THSD7B: variants seen among roughly 807,000 people sequenced by gnomAD.
THSD7B encodes the protein thrombospondin type-1 domain-containing protein 7B.
THSD7B carries 138 observed loss-of-function variants against 213.6 expected under a neutral mutation model. That is an observed-to-expected ratio of 0.65 (90% confidence interval 0.56 to 0.74). The LOEUF (loss-of-function observed/expected upper bound fraction) is 0.74. Among genes scored for constraint, THSD7B ranks in the 30% least tolerant of loss-of-function variants. The pLI, the probability that THSD7B is intolerant of heterozygous loss-of-function variation, is 0.00. For synonymous variants in THSD7B, 742 were observed against 687.0 expected, an observed-to-expected ratio of 1.08 and a Z score of -1.25; for missense variants, 1,931 against 1,991.5, an observed-to-expected ratio of 0.97 and a Z score of 0.58.
At chr2:137,449,098 C>T (rs1272814345) in intron 14 of THSD7B, among the ~76,000 whole-genome samples, 1 of 151,558 alleles carries the variant, frequency 6.6e-6, no homozygotes, top group African/African-American at 2.4e-5. Context: ...GATCTTTTTT[C>T]CCCCCCTCAA....
At chr2:137,638,571 C>T (rs781739921) in intron 20 of THSD7B, among the ~76,000 whole-genome samples, 1 of 152,066 alleles carries the variant, frequency 6.6e-6, no homozygotes, top group Non-Finnish European at 1.5e-5. Context: ...TGAAAAGATA[C>T]CTGAAAATGT....
intron 2 of THSD7B, among the ~76,000 whole-genome samples, chr2:137,038,432 C>T (rs369621943): frequency 1.9e-4 from 29 of 152,258 alleles, no homozygotes; most frequent in South Asian, 1.0e-3. Context: ...CTGATGAGCC[C>T]GGCATCCCTT....
At chr2:137,279,002 G>T (rs1029979501) in intron 12 of THSD7B, among the ~76,000 whole-genome samples, 2 of 152,160 alleles carry the variant, frequency 1.3e-5, no homozygotes, top group African/African-American at 4.8e-5. Flanking sequence ...TGAGAGTTTA[G>T]TGAAGGGACC....
intron 13 of THSD7B, among the ~76,000 whole-genome samples, chr2:137,408,556 C>T (rs974581976): frequency 3.9e-5 from 6 of 152,070 alleles, no homozygotes; most frequent in Non-Finnish European, 7.4e-5. Context: ...GTATTGGGAG[C>T]GGTATTCAAA....
intron 2 of THSD7B, among the ~76,000 whole-genome samples, chr2:136,927,443 C>T (rs1031702016): frequency 1.5e-4 from 23 of 152,120 alleles, no homozygotes; most frequent in Non-Finnish European, 8.8e-5. Context: ...TTTTCCTCTG[C>T]TGCCACTCCA....
At chr2:137,067,316 G>A (rs931093029) in intron 3 of THSD7B, among the ~76,000 whole-genome samples, 3 of 152,070 alleles carry the variant, frequency 2.0e-5, no homozygotes, top group African/African-American at 7.2e-5. Context: ...TTTAGTGTGA[G>A]GTTGTTATAT....
intron 2 of THSD7B, among the ~76,000 whole-genome samples, chr2:136,995,169 A>G (rs901348502): frequency 6.6e-6 from 1 of 152,172 alleles, no homozygotes; most frequent in South Asian, 2.1e-4. Context: ...TATGGCTAAG[A>G]ATGACTGTCT....
In THSD7B at chr2:137,094,829, C is replaced by CA. The variant is rs751511801; in HGVS notation, c.951-44_951-43insA. On this transcript the variant is annotated intron_variant, in intron 3 of 27. Coordinates refer to ENST00000409968, the MANE Select transcript of THSD7B (RefSeq NM_001316349.2). ...AGGCACTTTATAATGTTAGTTGCAT[C>CA]CATTAATATATGGCCTCCTATTTTC... 2.5e-6 allele frequency: 4 copies of CA among 1,581,752 alleles called. No homozygotes were observed. The South Asian group carries it at 4.6e-5, about 18-fold the overall frequency.
At chr2:136,977,784 C>CT (rs1269897808) in intron 2 of THSD7B, among the ~76,000 whole-genome samples, 1 of 121,078 alleles carries the variant, frequency 8.3e-6, no homozygotes, top group Non-Finnish European at 1.6e-5. Context: ...GAATGAGTTT[C>CT]TTTTTTTCTT....
chr2:137,238,534 C>CTTTTTTTTTTTTTTT (rs869146863), intron 9 of THSD7B, among the ~76,000 whole-genome samples: 2 of 51,846 alleles, frequency 3.9e-5, no homozygotes, highest in African/African-American at 7.1e-5. Flanking sequence ...ACTCATCTTT[C>CTTTTTTTTTTTTTTT]TTTTTTTTTT....
intron 1 of THSD7B, among the ~76,000 whole-genome samples, chr2:136,862,475 A>T (rs1446548176): frequency 6.6e-6 from 1 of 152,312 alleles, no homozygotes; most frequent in East Asian, 1.9e-4. Flanking sequence ...GCATTGATTA[A>T]GTGTGTTTCT....
chr2:137,180,599 A>G (rs191567222), intron 7 of THSD7B, among the ~76,000 whole-genome samples: 142 of 152,266 alleles, frequency 9.3e-4, no homozygotes, highest in African/African-American at 3.3e-3. Context: ...CAATAGGCCA[A>G]TTGGGAACTA....
intron 2 of THSD7B, among the ~76,000 whole-genome samples, chr2:137,002,945 G>A (rs1686029532): frequency 6.6e-6 from 1 of 152,106 alleles, no homozygotes; most frequent in African/African-American, 2.4e-5. Context: ...AATACCAGGA[G>A]GGTCAATGAT....
intron 2 of THSD7B, among the ~76,000 whole-genome samples, chr2:136,890,300 A>ACTCCTCCTCTTCTT (rs1558839719): frequency 1.5e-3 from 1 of 680 alleles, no homozygotes; most frequent in Admixed American, 8.8e-3. Flanking sequence ...TCCATGTCCT[A>ACTCCTCCTCTTCTT]CTCCTTCTTC....
intron 14 of THSD7B, among the ~76,000 whole-genome samples, chr2:137,443,766 TTTAA>T (rs1205469572): frequency 1.3e-5 from 2 of 152,090 alleles, no homozygotes; most frequent in Non-Finnish European, 2.9e-5. Flanking sequence ...TGAATTATAT[TTTAA>T]TTAAGGAAAC....
intron 13 of THSD7B, among the ~76,000 whole-genome samples, chr2:137,406,072 G>C (rs1178955996): frequency 6.6e-6 from 1 of 152,178 alleles, no homozygotes; most frequent in Non-Finnish European, 1.5e-5. Flanking sequence ...AGTCATAAAA[G>C]GCATTTCATT....
intron 2 of THSD7B, among the ~76,000 whole-genome samples, chr2:137,033,215 C>G (rs1686708082): frequency 6.6e-6 from 1 of 152,206 alleles, no homozygotes; most frequent in Non-Finnish European, 1.5e-5. Flanking sequence ...CCTAGCTGTT[C>G]TAGGCCGAAC....
At chr2:137,067,136 G>A (rs190205313) in intron 3 of THSD7B, among the ~76,000 whole-genome samples, 14 of 152,180 alleles carry the variant, frequency 9.2e-5, no homozygotes, top group African/African-American at 3.1e-4. Flanking sequence ...AATCACAGTT[G>A]TGCTACATTT....
intron 12 of THSD7B, among the ~76,000 whole-genome samples, chr2:137,285,706 A>G (rs1259033538): frequency 6.6e-6 from 1 of 151,972 alleles, no homozygotes; most frequent in Non-Finnish European, 1.5e-5. Context: ...CTGGAAACAT[A>G]TATTTGCATG....
Sources: gnomAD v4.1 joint callset for allele counts (sites outside exome capture counted in the v4.1 genomes callset) on GRCh38, gnomAD v4.1.1 for gene constraint, MANE v1.5 for transcripts, NCBI Gene and HGNC (gene_info 2026-07-23, HGNC 2026-07-21) for gene names.